The following RBFOX1 variants were observed in gnomAD, a reference collection of about 807,000 sequenced individuals.
RBFOX1 encodes the protein RNA binding protein fox-1 homolog 1.
In RBFOX1, 8 loss-of-function variants were observed where a neutral mutation model predicts 57.7. The ratio of observed to expected loss-of-function variants is 0.14; its 90% confidence interval spans 0.08 to 0.25. RBFOX1 has a LOEUF of 0.25. Among genes scored for constraint, RBFOX1 ranks in the 10% least tolerant of loss-of-function variants. RBFOX1 has a pLI of 1.00. For synonymous variants in RBFOX1, 326 were observed against 222.4 expected, an observed-to-expected ratio of 1.47 and a Z score of -4.15; for missense variants, 611 against 548.5, an observed-to-expected ratio of 1.11 and a Z score of -1.14.
chr16:5,479,848 A>G (rs962146950), intron 2 of RBFOX1, among the ~76,000 whole-genome samples: 2 of 151,440 alleles, frequency 1.3e-5, no homozygotes, highest in African/African-American at 4.9e-5. Flanking sequence ...AACATTCCTT[A>G]AGCTCCAATT....
intron 3 of RBFOX1, among the ~76,000 whole-genome samples, chr16:5,792,521 G>C (rs781754438): frequency 2.0e-5 from 3 of 152,164 alleles, no homozygotes; most frequent in African/African-American, 7.2e-5. Flanking sequence ...GATAAGGTAA[G>C]GTAGAGAAAA....
chr16:6,676,002 G>A (rs906017912), intron 3 of RBFOX1, among the ~76,000 whole-genome samples: 5 of 152,094 alleles, frequency 3.3e-5, no homozygotes, highest in Non-Finnish European at 7.4e-5. Flanking sequence ...CGATGGGAGA[G>A]GAGAGGTTCT....
chr16:7,139,172 C>CTGTGTGTGTGTGTGTGTGTG (rs1466048089), intron 4 of RBFOX1, among the ~76,000 whole-genome samples: 1 of 16,572 alleles, frequency 6.0e-5, no homozygotes. Context: ...AAATCAATCT[C>CTGTGTGTGTGTGTGTGTGTG]TCTCTGTGTG....
At chr16:5,691,958 C>T (rs1468693003) in intron 3 of RBFOX1, among the ~76,000 whole-genome samples, 3 of 152,082 alleles carry the variant, frequency 2.0e-5, no homozygotes, top group Non-Finnish European at 4.4e-5. Flanking sequence ...ACATGTAACA[C>T]GAAGGCTGAG....
intron 1 of RBFOX1, among the ~76,000 whole-genome samples, chr16:6,035,609 A>C (rs913423801): frequency 6.6e-6 from 1 of 152,282 alleles, no homozygotes; most frequent in Admixed American, 6.5e-5. Flanking sequence ...AATGCTCTAC[A>C]TCAAAATGGC....
rs137920097 is a variant in RBFOX1 at position 6,585,577 on chromosome 16, G to T, written c.-63-69026G>T. On this transcript the variant is annotated intron_variant, in intron 2 of 15. Transcript: ENST00000550418. ...AGATCTGTTTAATTCACTGCGGTGG[G>T]CTGGGTAGGACTCTTCCAGTCTTGT... is the stretch of plus-strand genomic sequence containing the variant. Among the ~76,000 whole-genome samples, 3 of 152,088 alleles carry T rather than the reference G, an allele frequency of 2.0e-5. No homozygotes were observed. The East Asian group carries it at 5.8e-4, about 29-fold the overall frequency.
chr16:5,452,123 T>C (rs1239516258), intron 1 of RBFOX1, among the ~76,000 whole-genome samples: 2 of 145,790 alleles, frequency 1.4e-5, no homozygotes, highest in Non-Finnish European at 3.0e-5. Context: ...TCTCTTTTTT[T>C]TTTTTTTTTT....
At chr16:7,551,296 A>C (rs1193440731) in intron 5 of RBFOX1, among the ~76,000 whole-genome samples, 1 of 152,020 alleles carries the variant, frequency 6.6e-6, no homozygotes, top group African/African-American at 2.4e-5. Flanking sequence ...GTCACCATAC[A>C]AGCAACAGTG....
At chr16:6,725,316 G>T (rs1422869709) in intron 3 of RBFOX1, among the ~76,000 whole-genome samples, 2 of 151,916 alleles carry the variant, frequency 1.3e-5, no homozygotes, top group Non-Finnish European at 2.9e-5. Context: ...CTCCCAAAGT[G>T]CTGGGATTAC....
intron 10 of RBFOX1, among the ~76,000 whole-genome samples, chr16:7,623,210 T>A (rs970870886): frequency 2.0e-5 from 3 of 152,202 alleles, no homozygotes; most frequent in Admixed American, 6.5e-5. Flanking sequence ...CCAACCATTT[T>A]GGCACCCGGG....
Position 6,807,355 on chromosome 16 carries a change from G to T in RBFOX1, c.-16+152705G>T, listed in dbSNP as rs1603627301. Reference sequence around the variant, plus strand: ...AATAAATTGATAATGGGAATTTTGAGACAAGGATGAGTGAGTCCAAGTTGA... The same window carrying T: ...AATAAATTGATAATGGGAATTTTGATACAAGGATGAGTGAGTCCAAGTTGA... On this transcript the variant is annotated intron_variant, in intron 3 of 15. Transcript: ENST00000550418. Among the ~76,000 whole-genome samples the T allele has an allele frequency of 3.3e-5, 5 of 152,204 alleles. No homozygotes were observed. In the South Asian group the frequency reaches 1.0e-3, roughly 32 times the overall value.
chr16:7,024,549 C>T (rs754923519), intron 3 of RBFOX1, among the ~76,000 whole-genome samples: 1 of 152,092 alleles, frequency 6.6e-6, no homozygotes, highest in Admixed American at 6.6e-5. Flanking sequence ...GGAGATACTT[C>T]CTCATTGTGT....
At chr16:5,672,429 A>C (rs901464681) in intron 3 of RBFOX1, among the ~76,000 whole-genome samples, 3 of 152,058 alleles carry the variant, frequency 2.0e-5, no homozygotes, top group Non-Finnish European at 4.4e-5. Flanking sequence ...TGCACATCCT[A>C]GTCTTCATTT....
In RBFOX1 at chr16:7,025,523, C is replaced by G. The variant is rs898584758; in HGVS notation, c.-15-26534C>G. On this transcript the variant is annotated intron_variant, in intron 3 of 15. Coordinates refer to ENST00000550418, the MANE Select transcript of RBFOX1 (RefSeq NM_018723.4). ...AGCCCCTATGGAAGATGGAGTTGCT[C>G]TGGTTCAAACACCTCTGACAAAACC... Among the ~76,000 whole-genome samples, 9 of 152,262 alleles carry G rather than the reference C, an allele frequency of 5.9e-5. No homozygotes were observed. In the East Asian group the frequency reaches 1.2e-3, roughly 20 times the overall value.
chr16:5,894,312 T>G (rs560701083), intron 4 of RBFOX1, among the ~76,000 whole-genome samples: 6 of 152,350 alleles, frequency 3.9e-5, no homozygotes, highest in Admixed American at 6.5e-5. Context: ...AGATGGAGTG[T>G]TGCTGTGTTG....
chr16:5,640,944 G>A (rs2048847587), intron 3 of RBFOX1, among the ~76,000 whole-genome samples: 2 of 148,138 alleles, frequency 1.4e-5, no homozygotes, highest in African/African-American at 5.0e-5. Context: ...TGCACACCAT[G>A]CATACACACA....
intron 2 of RBFOX1, among the ~76,000 whole-genome samples, chr16:6,554,771 A>ACACACACACAG (rs2097064073): frequency 6.7e-6 from 1 of 149,774 alleles, no homozygotes. Context: ...CACACACACA[A>ACACACACACAG]AGGTACACAG....
chr16:6,645,479 C>T (rs747104483), intron 2 of RBFOX1, among the ~76,000 whole-genome samples: 1 of 152,156 alleles, frequency 6.6e-6, no homozygotes, highest in African/African-American at 2.4e-5. Context: ...ATCCGGGATG[C>T]TGGCATCCTT....
At position 7,505,761 on chromosome 16, in the gene RBFOX1, C is replaced by T. The variant is rs191499872; in HGVS notation, c.28-12386C>T. Among the ~76,000 whole-genome samples, 94 of 152,302 alleles carry T rather than the reference C, an allele frequency of 6.2e-4. 2 individuals carry two copies. Among genetic ancestry groups the T allele is most frequent in the Admixed American group, 3.7e-3 (57 of 15,298 alleles). On this transcript the variant is annotated intron_variant, in intron 4 of 15. Transcript: ENST00000550418. ...GCTTCCATCCTCTCTCTGTGCTTCC[C>T]TACTGAGCCGGAGAAGTGAAATGAG... is the stretch of plus-strand genomic sequence containing the variant.
Sources: gnomAD v4.1 joint callset for allele counts (sites outside exome capture counted in the v4.1 genomes callset) on GRCh38, gnomAD v4.1.1 for gene constraint, MANE v1.5 for transcripts, NCBI Gene and HGNC (gene_info 2026-07-23, HGNC 2026-07-21) for gene names.